Variants in SPAG9 observed in about 807,000 individuals in gnomAD.
SPAG9 encodes C-Jun-amino-terminal kinase-interacting protein 4.
In SPAG9, 35 loss-of-function variants were observed where a neutral mutation model predicts 166.5. The ratio of observed to expected loss-of-function variants is 0.21; its 90% confidence interval spans 0.16 to 0.28. The LOEUF is 0.28. SPAG9 is among the 10% of genes least tolerant of loss of function. The pLI, the probability that SPAG9 is intolerant of heterozygous loss-of-function variation, is 1.00. For missense variants in SPAG9, 1,235 were observed against 1,603.3 expected (o/e 0.77, Z 3.92); for synonymous variants, 534 against 565.5 (o/e 0.94, Z 0.79).
intron 1 of SPAG9, among the ~76,000 whole-genome samples, chr17:51,087,959 G>A (rs1166818949): frequency 6.6e-6 from 1 of 151,932 alleles, no homozygotes; most frequent in African/African-American, 2.4e-5. Flanking sequence ...TGCCCAGCCT[G>A]GTCTCGAATT....
chr17:51,096,621 T>C (rs1458576879), intron 1 of SPAG9, among the ~76,000 whole-genome samples: 1 of 152,172 alleles, frequency 6.6e-6, no homozygotes, highest in Non-Finnish European at 1.5e-5. Context: ...GCACCGAATG[T>C]TACTACAACA....
intron 5 of SPAG9, chr17:51,032,005 T>A: frequency 1.9e-6 from 1 of 529,546 alleles, no homozygotes; most frequent in Non-Finnish European, 3.6e-6. Flanking sequence ...TACACCACTT[T>A]ATGAAATCTT....
intron 1 of SPAG9, among the ~76,000 whole-genome samples, chr17:51,083,909 A>G (rs1412680024): frequency 1.3e-5 from 2 of 152,096 alleles, no homozygotes; most frequent in East Asian, 3.9e-4. Flanking sequence ...TTCCTTCCAC[A>G]AACCCCAAGT....
chr17:51,043,354 GTTAT>G (rs2046910969), intron 4 of SPAG9, among the ~76,000 whole-genome samples: 6 of 152,192 alleles, frequency 3.9e-5, no homozygotes, highest in African/African-American at 1.4e-4. Flanking sequence ...AAAAAGAGGC[GTTAT>G]TTATTATTTC....
rs149030226 is a variant in SPAG9, at chr17:51,049,239, C to T, written c.496-1770G>A. Among the ~76,000 whole-genome samples the T allele has an allele frequency of 6.8e-4, 103 of 151,878 alleles. 2 individuals are homozygous for T. The East Asian group carries it at 0.012, about 18-fold the overall frequency. Reference sequence around the variant, plus strand: ...AAAAATACAACAACTAGCAGGCACTCGCCTATAGTCCCTACTGCTCAGGAG... The same window carrying T: ...AAAAATACAACAACTAGCAGGCACTTGCCTATAGTCCCTACTGCTCAGGAG... On this transcript the variant is annotated intron_variant, in intron 3 of 29. Transcript: ENST00000262013.
intron 2 of SPAG9, among the ~76,000 whole-genome samples, chr17:51,078,177 C>G (rs1251472704): frequency 2.0e-5 from 3 of 152,150 alleles, no homozygotes; most frequent in Non-Finnish European, 2.9e-5. Context: ...CTCTGGGTAT[C>G]CACAAGGCTA....
At chr17:51,040,772 A>G (rs1379523447) in intron 5 of SPAG9, among the ~76,000 whole-genome samples, 2 of 152,196 alleles carry the variant, frequency 1.3e-5, no homozygotes, top group Non-Finnish European at 2.9e-5. Context: ...GGAAAAGGAA[A>G]TAAGATACAT....
rs377075746 is a variant in SPAG9, at chr17:50,989,102, T to C, written c.2813+575A>G. On this transcript the variant is annotated intron_variant, in intron 21 of 29. Transcript: ENST00000262013. ...ATGAACAGAAAGATTTTGACTAATA[T>C]ATAGTCACACACCTGGTAAAACCAT... 9.2e-4 allele frequency among the ~76,000 whole-genome samples: 140 copies of C among 152,246 alleles called. 1 individual carries two copies. In the South Asian group the frequency reaches 0.028, roughly 30 times the overall value.
chr17:51,084,823 C>G (rs1598152294), intron 1 of SPAG9, among the ~76,000 whole-genome samples: 1 of 151,968 alleles, frequency 6.6e-6, no homozygotes, highest in African/African-American at 2.4e-5. Context: ...AAACTGCTAA[C>G]AAAAAATTTT....
rs865806149 is a variant in SPAG9, at chr17:50,995,122, T to G, written c.2161A>C (p.Thr721Pro). 1 of 1,614,006 alleles carries G rather than the reference T, an allele frequency of 6.2e-7. No individual in the cohort carries two copies. Among genetic ancestry groups the G allele is most frequent in the African/African-American group, 1.3e-5 (1 of 74,920 alleles). The change falls in exon 18 of 30, where the codon ACA becomes CCA. Residue 721 changes from threonine to proline, a missense_variant. By Grantham distance (38) the Thr-to-Pro change is conservative (BLOSUM62 -1). This residue lies in a region of SPAG9 where 493 missense variants were observed against 559.4 expected (regional missense o/e 0.88). Coordinates refer to ENST00000262013, the MANE Select transcript of SPAG9 (RefSeq NM_001130528.3). The stretch of plus-strand genomic sequence containing the variant: ...GCACTTCGCTGTTTACTGCCTTCTG[T>G]ATCCAAACCAGCAACATCCTTGTAA... Reference protein sequence around the residue: ...VFYKDVAGLDTEGSKQRSASQ... With the variant: ...VFYKDVAGLDPEGSKQRSASQ...
chr17:51,001,534 C>T (rs1020260863), intron 13 of SPAG9, among the ~76,000 whole-genome samples, 181 bp downstream of exon 13: 2 of 152,064 alleles, frequency 1.3e-5, no homozygotes, highest in African/African-American at 4.8e-5. Flanking sequence ...CTTACTGGCC[C>T]AAAAAGCACC....
At chr17:51,099,287 G>T (rs2048733784) in intron 1 of SPAG9, among the ~76,000 whole-genome samples, 1 of 151,310 alleles carries the variant, frequency 6.6e-6, no homozygotes, top group Admixed American at 6.6e-5. Flanking sequence ...TACAAAATCA[G>T]CCAGGCGTGG....
intron 6 of SPAG9, among the ~76,000 whole-genome samples, chr17:51,027,058 A>C (rs965560330): frequency 2.0e-5 from 3 of 152,178 alleles, no homozygotes; most frequent in Non-Finnish European, 4.4e-5. Flanking sequence ...GCAGAAAAGC[A>C]CTTAGATGGG....
intron 19 of SPAG9, among the ~76,000 whole-genome samples, chr17:50,992,967 G>C (rs2318383): frequency 0.063 from 9,487 of 151,270 alleles, 358 homozygotes; most frequent in Non-Finnish European, 0.09. Flanking sequence ...GTAGTGGCTC[G>C]TGCCTGTAGT....
Position 51,115,339 on chromosome 17 carries a change from C to T in SPAG9, c.303+5015G>A, listed in dbSNP as rs116680389. ...GAGTAGCTAGGACTACAGGCTCACA[C>T]CATCACACCCAACTAATTTTTTTTA... On this transcript the variant is annotated intron_variant, in intron 1 of 29. Transcript: ENST00000262013. 2.2e-3 allele frequency among the ~76,000 whole-genome samples: 332 copies of T among 152,084 alleles called. 1 individual carries two copies. Among genetic ancestry groups the T allele is most frequent in the African/African-American group, 7.7e-3 (321 of 41,492 alleles).
intron 4 of SPAG9, chr17:51,046,707 CGGGGGCCAAA>C (rs1213759204): frequency 1.3e-6 from 2 of 1,535,748 alleles, no homozygotes; most frequent in African/African-American, 1.4e-5. Context: ...GAGGCCTACA[CGGGGGCCAAA>C]GGGGTATCTT....
At chr17:51,089,620 T>TATATA (rs2048398411) in intron 1 of SPAG9, among the ~76,000 whole-genome samples, 1 of 40,496 alleles carries the variant, frequency 2.5e-5, no homozygotes, top group Non-Finnish European at 4.4e-5. Context: ...ACACTTTATT[T>TATATA]TATATATATA....
At chr17:50,996,358 C>T (rs3786005) in intron 16 of SPAG9, 165,805 of 555,262 alleles carry the variant, frequency 0.3, 25,648 homozygotes, top group Admixed American at 0.36. Context: ...ACTCCTCCCC[C>T]CCTCACAGAC....
At chr17:51,022,219 CA>C (rs1359177891) in intron 6 of SPAG9, among the ~76,000 whole-genome samples, 1 of 150,324 alleles carries the variant, frequency 6.7e-6, no homozygotes, top group Non-Finnish European at 1.5e-5. Context: ...TTGAGCCCAA[CA>C]AGACCCTGTC....
Sources: gnomAD v4.1 joint callset for allele counts (sites outside exome capture counted in the v4.1 genomes callset) on GRCh38, gnomAD v4.1.1 for gene constraint, gnomAD v4.1.1 regional missense constraint, MANE v1.5 for transcripts, NCBI Gene and HGNC (gene_info 2026-07-23, HGNC 2026-07-21) for gene names.